The following KCNH8 variants were observed in gnomAD, a reference collection of about 807,000 sequenced individuals.
The protein encoded by KCNH8 is voltage-gated delayed rectifier potassium channel KCNH8.
KCNH8 carries 70 observed loss-of-function variants against 103.6 expected under a neutral mutation model. The observed-to-expected ratio is 0.68, with a 90% CI of 0.56 to 0.82. The LOEUF (loss-of-function observed/expected upper bound fraction) is 0.82. Among genes scored for constraint, KCNH8 ranks in the 40% least tolerant of loss-of-function variants. KCNH8 has a pLI of 0.00. For missense variants in KCNH8, 1,217 were observed against 1,329.9 expected (o/e 0.92, Z 1.32); for synonymous variants, 498 against 489.4 (o/e 1.02, Z -0.23).
intron 3 of KCNH8, among the ~76,000 whole-genome samples, chr3:19,286,114 A>G (rs1234303689): frequency 1.3e-5 from 2 of 152,188 alleles, no homozygotes; most frequent in East Asian, 3.8e-4. Context: ...GTATGCAGAT[A>G]TATTTCAGAG....
intron 11 of KCNH8, among the ~76,000 whole-genome samples, chr3:19,474,985 G>T (rs952815839): frequency 6.6e-6 from 1 of 152,108 alleles, no homozygotes; most frequent in African/African-American, 2.4e-5. Context: ...CAGAAATCCT[G>T]ACTATTAGAC....
In KCNH8 at chr3:19,166,611, G is replaced by T. The variant is rs1383197580; in HGVS notation, c.76+17816G>T. 2.0e-5 allele frequency among the ~76,000 whole-genome samples: 3 copies of T among 152,290 alleles called. No individual in the cohort carries two copies. In the East Asian group the frequency reaches 5.8e-4, roughly 29 times the overall value. On this transcript the variant is annotated intron_variant, in intron 1 of 15. Transcript: ENST00000328405. ...CTGCCTCATTGGAAGCTTTCATAAA[G>T]TGAAGAACTTTTCTAGTTAAAGGAG... is the stretch of plus-strand genomic sequence containing the variant.
At chr3:19,489,010 C>T (rs1405667618) in intron 11 of KCNH8, among the ~76,000 whole-genome samples, 1 of 152,148 alleles carries the variant, frequency 6.6e-6, no homozygotes, top group African/African-American at 2.4e-5. Context: ...GATACAAAGG[C>T]ACGCCTTTCC....
At chr3:19,372,949 C>A (rs1232683448) in intron 5 of KCNH8, among the ~76,000 whole-genome samples, 1 of 151,876 alleles carries the variant, frequency 6.6e-6, no homozygotes, top group Non-Finnish European at 1.5e-5. Context: ...CCTTGCATCC[C>A]AGGGATGAAG....
In KCNH8 at chr3:19,451,386, A is replaced by G. The variant is rs746507316; in HGVS notation, c.1807A>G (p.Met603Val). 3.1e-6 allele frequency: 5 copies of G among 1,613,616 alleles called. No individual in the cohort carries two copies. Among genetic ancestry groups the G allele is most frequent in the Non-Finnish European group, 4.2e-6 (5 of 1,179,784 alleles). Residue 603 changes from methionine (M) to valine (V), a missense_variant, in exon 10 of 16, where the codon ATG becomes GTG. Physicochemically the swap from Met to Val is conservative, Grantham distance 21. This residue lies in a region of KCNH8 where 415 missense variants were observed against 577.4 expected (regional missense o/e 0.72). Transcript: ENST00000328405. ...SGSMEVLKDS[M>V]VLAILGKGDL... ...CTCCATGGAAGTTCTTAAAGACAGC[A>G]TGGTGCTGGCTATTCTTGGTAGGTC...
chr3:19,503,542 T>A (rs1399837680), intron 11 of KCNH8, among the ~76,000 whole-genome samples: 1 of 152,114 alleles, frequency 6.6e-6, no homozygotes, highest in Non-Finnish European at 1.5e-5. Context: ...TATCCACCAA[T>A]GATAGACTGG....
chr3:19,419,194 G>GTTT (rs1491504046), intron 7 of KCNH8, among the ~76,000 whole-genome samples: 1 of 64,118 alleles, frequency 1.6e-5, no homozygotes, highest in Non-Finnish European at 2.8e-5. Context: ...AAATGGTTTT[G>GTTT]GTTTTTTTTT....
chr3:19,256,828 A>T (rs758324825), intron 2 of KCNH8, among the ~76,000 whole-genome samples: 6 of 152,232 alleles, frequency 3.9e-5, no homozygotes, highest in Admixed American at 1.3e-4. Flanking sequence ...GTTAGTCGCC[A>T]TGGGGAATTG....
intron 3 of KCNH8, among the ~76,000 whole-genome samples, chr3:19,291,940 A>T (rs1376176287): frequency 6.6e-6 from 1 of 152,208 alleles, no homozygotes; most frequent in African/African-American, 2.4e-5. Flanking sequence ...TTTCTTATTA[A>T]TTAATTGTAT....
At chr3:19,230,222 G>A (rs1406241933) in intron 1 of KCNH8, among the ~76,000 whole-genome samples, 3 of 152,156 alleles carry the variant, frequency 2.0e-5, no homozygotes, top group Non-Finnish European at 2.9e-5. Context: ...AGTTCAACAT[G>A]AGATTTGGTT....
At chr3:19,357,332 G>A (rs998720993) in intron 5 of KCNH8, among the ~76,000 whole-genome samples, 2 of 151,856 alleles carry the variant, frequency 1.3e-5, no homozygotes, top group Non-Finnish European at 2.9e-5. Context: ...TTATCATTCA[G>A]AGAGATATGG....
chr3:19,228,810 G>A (rs1203215038), intron 1 of KCNH8, among the ~76,000 whole-genome samples: 1 of 152,062 alleles, frequency 6.6e-6, no homozygotes, highest in African/African-American at 2.4e-5. Flanking sequence ...AGCTAATAAG[G>A]CCAGAGAAAA....
chr3:19,233,918 A>G (rs2064026539), intron 1 of KCNH8, among the ~76,000 whole-genome samples: 1 of 152,050 alleles, frequency 6.6e-6, no homozygotes, highest in Non-Finnish European at 1.5e-5. Context: ...GAAGCTGCAG[A>G]CCTTCGCGGT....
At chr3:19,353,444 A>G (rs1031333646) in intron 5 of KCNH8, among the ~76,000 whole-genome samples, 21 of 152,204 alleles carry the variant, frequency 1.4e-4, no homozygotes, top group Admixed American at 4.6e-4. Context: ...AGAGAATTTT[A>G]GATCAATATC....
At chr3:19,428,646 G>A (rs912456301) in intron 7 of KCNH8, among the ~76,000 whole-genome samples, 2 of 152,192 alleles carry the variant, frequency 1.3e-5, no homozygotes, top group African/African-American at 4.8e-5. Context: ...AACAGCCTAT[G>A]AAGTGAGTTA....
At chr3:19,523,656 T>TATTA in intron 15 of KCNH8, among the ~76,000 whole-genome samples, 1 of 152,086 alleles carries the variant, frequency 6.6e-6, no homozygotes, top group East Asian at 1.9e-4. Context: ...GTCGGTATTT[T>TATTA]ATTAACCAGA....
At chr3:19,350,917 C>A (rs998440457) in intron 5 of KCNH8, among the ~76,000 whole-genome samples, 5 of 151,938 alleles carry the variant, frequency 3.3e-5, no homozygotes, top group Admixed American at 3.3e-4. Flanking sequence ...TTCAGACAAT[C>A]GGTAATAACA....
intron 1 of KCNH8, among the ~76,000 whole-genome samples, chr3:19,250,426 T>A (rs1254256232): frequency 1.3e-5 from 2 of 152,176 alleles, no homozygotes; most frequent in Non-Finnish European, 2.9e-5. Flanking sequence ...ATATGCCATG[T>A]GCAAGATAAT....
At chr3:19,306,550 C>G (rs1009749397) in intron 3 of KCNH8, among the ~76,000 whole-genome samples, 1 of 152,020 alleles carries the variant, frequency 6.6e-6, no homozygotes, top group Non-Finnish European at 1.5e-5. Context: ...TAAAGCCTGA[C>G]CTAAGGTCAT....
Sources: gnomAD v4.1 joint callset for allele counts (sites outside exome capture counted in the v4.1 genomes callset) on GRCh38, gnomAD v4.1.1 for gene constraint, gnomAD v4.1.1 regional missense constraint, MANE v1.5 for transcripts, NCBI Gene and HGNC (gene_info 2026-07-23, HGNC 2026-07-21) for gene names.